FLT1: variants seen among roughly 807,000 people sequenced by gnomAD.
FLT1 encodes fms related receptor tyrosine kinase 1, also known as vascular endothelial growth factor receptor 1.
FLT1 carries 49 observed loss-of-function variants against 156.3 expected under a neutral mutation model. That is an observed-to-expected ratio of 0.31 (90% CI 0.25 to 0.40). The LOEUF (loss-of-function observed/expected upper bound fraction) is 0.40. FLT1 is among the 10% of genes least tolerant of loss of function. The pLI, the probability that FLT1 is intolerant of heterozygous loss-of-function variation, is 1.00. For missense variants in FLT1, 1,322 were observed against 1,637.2 expected (o/e 0.81, Z 3.32); for synonymous variants, 594 against 583.8 (o/e 1.02, Z -0.25).
At chr13:28,411,278 G>T (rs985050880) in intron 10 of FLT1, among the ~76,000 whole-genome samples, 1 of 151,388 alleles carries the variant, frequency 6.6e-6, no homozygotes, top group Non-Finnish European at 1.5e-5. Flanking sequence ...CTGGCCAGGC[G>T]CTGTGACTCA....
chr13:28,322,112 C>G lies in FLT1; in HGVS notation c.3051+150G>C, dbSNP rs577563964. ...CCATGACTCCTCATTCTCAAAACTCCTCATATCAAGGCAAATTAAGGCACT... is the reference window on the plus strand; with the variant it reads ...CCATGACTCCTCATTCTCAAAACTCGTCATATCAAGGCAAATTAAGGCACT... On this transcript the variant is annotated intron_variant, in intron 22 of 29. Transcript: ENST00000282397. This position sits in a 1 kb window ranked among gnomAD's most constrained non-coding sequence, Gnocchi z 4.3. The G allele has an allele frequency of 3.1e-6, 2 of 655,334 alleles. No individual in the cohort carries two copies. Among genetic ancestry groups the G allele is most frequent in the Admixed American group, 4.6e-5 (2 of 43,506 alleles). 40.6% of individuals were successfully genotyped at this position (655,334 alleles called of 1,614,324 possible). A position where few individuals can be genotyped will look rare whatever the true frequency, so the allele number is the denominator to read the frequency against.
chr13:28,382,081 T>A (rs1874102926), intron 14 of FLT1, among the ~76,000 whole-genome samples: 1 of 152,078 alleles, frequency 6.6e-6, no homozygotes, highest in South Asian at 2.1e-4. Context: ...GGAGTAGAAA[T>A]ATGCATAGGT....
At chr13:28,461,218 C>T (rs1283893095) in intron 3 of FLT1, among the ~76,000 whole-genome samples, 1 of 151,776 alleles carries the variant, frequency 6.6e-6, no homozygotes, top group Non-Finnish European at 1.5e-5. Context: ...TTTTTAAAAG[C>T]CCTGCTCAAC....
chr13:28,345,616 G>A lies in FLT1; in HGVS notation c.2249-65C>T, dbSNP rs1593697458. The A allele has an allele frequency of 1.4e-5, 15 of 1,049,450 alleles. No homozygotes were observed. The East Asian group carries it at 2.0e-4, about 14-fold the overall frequency. The allele number at this position is 1,049,450 out of a possible 1,614,324, so 65.0% of individuals were successfully genotyped here. A position where few individuals can be genotyped will look rare whatever the true frequency, so the allele number is the denominator to read the frequency against. On this transcript the variant is annotated intron_variant, in intron 15 of 29. Transcript: ENST00000282397. ...AATTCCCAAACTCAGAATCTTTGTG[G>A]TTTTATAAAAGAGGCTCAGTTTCCC...
At chr13:28,405,954 A>C in intron 10 of FLT1, 60 bp from the exon 11 acceptor site, 1 of 859,436 alleles carries the variant, frequency 1.2e-6, no homozygotes, top group Non-Finnish European at 2.0e-6. Flanking sequence ...CAATGGGGAC[A>C]GGTGAAATGA....
rs2138859129 is a variant in FLT1 at position 28,345,454 on chromosome 13, T to C, written c.2346A>G (p.Lys782=). 1 of 1,600,994 alleles carries C rather than the reference T, an allele frequency of 6.2e-7. No homozygotes were observed. The highest frequency in any genetic ancestry group is 8.6e-7 in the Non-Finnish European group (1 of 1,168,870). ...TCACCTATGTTCTTACCCTTTTCAT[T>C]TTTCGGATAAAGAGGGTTAATAGGA... ...FWLLLTLFIR[K]MKRSSSEIKT... is the part of the protein sequence containing the mutation. Residue 782 remains lysine (K), a synonymous_variant, in exon 16 of 30, where the codon AAA becomes AAG. Transcript: ENST00000282397.
Position 28,415,342 on chromosome 13 carries a change from G to T in FLT1, c.1437-9448C>A, listed in dbSNP as rs951384416. ...TAAAAATACAAAAAATTAGCCAGGC[G>T]TGGTGGCGCATGCCTGTAATCCCAG... is the stretch of plus-strand genomic sequence containing the variant. On this transcript the variant is annotated intron_variant, in intron 10 of 29. Transcript: ENST00000282397. 2.6e-5 allele frequency among the ~76,000 whole-genome samples: 4 copies of T among 152,228 alleles called. No homozygotes were observed. The East Asian group carries it at 7.7e-4, about 29-fold the overall frequency.
chr13:28,430,545 A>G lies in FLT1; in HGVS notation c.989-378T>C, dbSNP rs1283418903. On this transcript the variant is annotated intron_variant, in intron 7 of 29. Transcript: ENST00000282397. ...CCCTAAAACAACCAATTTGATATCA[A>G]AAATCAACTGGAGAAAGACAAAAGG... 3.9e-5 allele frequency among the ~76,000 whole-genome samples: 6 copies of G among 152,330 alleles called. No individual in the cohort carries two copies. In the East Asian group the frequency reaches 1.2e-3, roughly 29 times the overall value.
Position 28,316,840 on chromosome 13 carries a change from C to A in FLT1, c.3386+658G>T, listed in dbSNP as rs539883299. Among the ~76,000 whole-genome samples, 57 of 152,132 alleles carry A rather than the reference C, an allele frequency of 3.7e-4. 1 individual carries two copies. Among genetic ancestry groups the A allele is most frequent in the African/African-American group, 1.3e-3 (54 of 41,492 alleles). ...GTTTCACCATGTCGGCCAGGCTAGT[C>A]TCGAACTCCTGACCTCAAGTGATCC... is the stretch of plus-strand genomic sequence containing the variant. On this transcript the variant is annotated intron_variant, in intron 25 of 29. Transcript: ENST00000282397.
At chr13:28,393,749 G>C (rs1874875214) in intron 12 of FLT1, among the ~76,000 whole-genome samples, 1 of 152,118 alleles carries the variant, frequency 6.6e-6, no homozygotes, top group East Asian at 1.9e-4. Flanking sequence ...AGCAGGCCTA[G>C]CTAGTTTTTG....
In FLT1 at chr13:28,476,156, C is replaced by T. The variant is rs655785; in HGVS notation, c.65-8539G>A. Among the ~76,000 whole-genome samples, 874 of 152,238 alleles carry T rather than the reference C, an allele frequency of 5.7e-3. 9 individuals carry two copies. The highest frequency in any genetic ancestry group is 0.02 in the African/African-American group (830 of 41,548). On this transcript the variant is annotated intron_variant, in intron 1 of 29. Transcript: ENST00000282397. ...ACACACACACACACGCTTGCTGACA[C>T]GCATGCATACACTTTTCTCTCCATG...
At chr13:28,307,569 C>G (rs1461869214) in intron 28 of FLT1, among the ~76,000 whole-genome samples, 1 of 151,830 alleles carries the variant, frequency 6.6e-6, no homozygotes, top group East Asian at 1.9e-4. Context: ...CCTTTATATT[C>G]TTCAGCTTAT....
intron 1 of FLT1, among the ~76,000 whole-genome samples, chr13:28,481,037 T>C (rs746756694): frequency 2.6e-5 from 4 of 152,198 alleles, no homozygotes; most frequent in Non-Finnish European, 5.9e-5. Flanking sequence ...GAGGAAATAA[T>C]TTTCAACCAA....
At chr13:28,398,117 A>G (rs1374172259) in intron 11 of FLT1, among the ~76,000 whole-genome samples, 1 of 152,170 alleles carries the variant, frequency 6.6e-6, no homozygotes, top group Non-Finnish European at 1.5e-5. Context: ...GTAGTGTATA[A>G]TCTATATGAA....
At chr13:28,492,974 A>C (rs1286835937) in intron 1 of FLT1, among the ~76,000 whole-genome samples, 4 of 152,222 alleles carry the variant, frequency 2.6e-5, no homozygotes, top group Non-Finnish European at 5.9e-5. Flanking sequence ...TCAGAGTTGC[A>C]AAACTGCTGC....
intron 10 of FLT1, among the ~76,000 whole-genome samples, chr13:28,418,400 A>G (rs989409913): frequency 6.6e-6 from 1 of 152,118 alleles, no homozygotes; most frequent in Non-Finnish European, 1.5e-5. Context: ...GGTCAGCTCT[A>G]ACTCACGACA....
intron 1 of FLT1, among the ~76,000 whole-genome samples, chr13:28,469,895 A>G (rs1177250765): frequency 6.6e-6 from 1 of 152,056 alleles, no homozygotes; most frequent in Non-Finnish European, 1.5e-5. Context: ...CTGGGACTAC[A>G]GGTGCGCATC....
chr13:28,340,884 T>C (rs545688855), intron 16 of FLT1, among the ~76,000 whole-genome samples: 1 of 84,540 alleles, frequency 1.2e-5, no homozygotes, highest in South Asian at 4.8e-4. Context: ...GTGGTTGCCA[T>C]TGGGTTAGAC....
intron 20 of FLT1, among the ~76,000 whole-genome samples, chr13:28,325,914 C>T (rs1473708436): frequency 6.7e-6 from 1 of 149,796 alleles, no homozygotes; most frequent in African/African-American, 2.5e-5. Flanking sequence ...TCCGGTAGAA[C>T]ATCTCTGTCT....
Sources: allele counts gnomAD v4.1 joint callset (sites outside exome capture counted in the v4.1 genomes callset), GRCh38; gene constraint gnomAD v4.1.1; non-coding constraint Gnocchi (gnomAD v3.1); transcripts MANE v1.5; gene names NCBI Gene and HGNC (gene_info 2026-07-23, HGNC 2026-07-21).